Variants in HERC3 observed in about 807,000 individuals in gnomAD.
The protein encoded by HERC3 is HECT and RLD domain containing E3 ubiquitin protein ligase 3, also known as probable E3 ubiquitin-protein ligase HERC3.
Under a neutral mutation model 129.9 loss-of-function variants are expected in HERC3, and 58 were observed. The observed-to-expected ratio is 0.45, with a 90% CI of 0.36 to 0.56. HERC3 has a LOEUF of 0.56. Among genes scored for constraint, HERC3 ranks in the 20% least tolerant of loss-of-function variants. HERC3 has a pLI of 0.00. For synonymous variants in HERC3, 430 were observed against 451.0 expected (o/e 0.95, Z 0.59); for missense variants, 835 against 1,244.2 (o/e 0.67, Z 4.95).
chr4:88,573,573 A>G, the HERC3 span, among the ~76,000 whole-genome samples: 1 of 152,198 alleles, frequency 6.6e-6, no homozygotes, highest in Non-Finnish European at 1.5e-5. Context: ...ATTGGTTTGA[A>G]ACATAATGCT....
At chr4:88,581,651 C>G in the HERC3 span, among the ~76,000 whole-genome samples, 1 of 152,022 alleles carries the variant, frequency 6.6e-6, no homozygotes, top group African/African-American at 2.4e-5. Flanking sequence ...AGGGTCTCAG[C>G]ATGTTGCCCA....
the HERC3 span, among the ~76,000 whole-genome samples, chr4:88,583,145 A>G: frequency 4.6e-5 from 7 of 152,294 alleles, no homozygotes; most frequent in African/African-American, 1.4e-4. Context: ...TAATATTTCA[A>G]TAAGAAAGTA....
At chr4:88,688,852 A>G (rs915948664) in intron 23 of HERC3, among the ~76,000 whole-genome samples, 5 of 152,352 alleles carry the variant, frequency 3.3e-5, no homozygotes, top group Admixed American at 1.3e-4. Flanking sequence ...GAGGAGCTAT[A>G]TAAGTTAGAA....
chr4:88,537,344 A>G, the HERC3 span, among the ~76,000 whole-genome samples: 1 of 152,100 alleles, frequency 6.6e-6, no homozygotes, highest in African/African-American at 2.4e-5. Context: ...TGATGTTTTG[A>G]GGCATTATGG....
upstream of HERC3, among the ~76,000 whole-genome samples, chr4:88,590,776 T>G (rs1361084451): frequency 6.6e-6 from 1 of 152,192 alleles, no homozygotes; most frequent in Admixed American, 6.5e-5. Context: ...CATCTCTAAA[T>G]TGGGATTGCA....
chr4:88,588,103 A>G (rs1341083885), upstream of HERC3, among the ~76,000 whole-genome samples: 1 of 152,262 alleles, frequency 6.6e-6, no homozygotes, highest in Non-Finnish European at 1.5e-5. Context: ...TGAGTTTCTC[A>G]TAATTAAGGT....
intron 12 of HERC3, among the ~76,000 whole-genome samples, chr4:88,665,181 G>C (rs932065092): frequency 6.6e-6 from 1 of 152,214 alleles, no homozygotes. Context: ...GAGAGGGAGA[G>C]GAAGAGAGGG....
chr4:88,551,732 C>T, the HERC3 span, among the ~76,000 whole-genome samples: 1 of 152,172 alleles, frequency 6.6e-6, no homozygotes, highest in Non-Finnish European at 1.5e-5. Flanking sequence ...GTGGCAATTC[C>T]TCAGGGATCT....
In HERC3 at chr4:88,670,262, C is replaced by T. The variant is rs767274137; in HGVS notation, c.1911+10C>T. 3 of 1,526,380 alleles carry T rather than the reference C, an allele frequency of 2.0e-6. No individual in the cohort carries two copies. The South Asian group carries it at 3.4e-5, about 17-fold the overall frequency. The allele number at this position is 1,526,380 out of a possible 1,614,324, so 94.6% of individuals were successfully genotyped here. ...GCATCAAGCAGGGATGGTAAGAATTCATAAAGCATATTTTAAAGCTTTAGT... is the reference window on the plus strand; with the variant it reads ...GCATCAAGCAGGGATGGTAAGAATTTATAAAGCATATTTTAAAGCTTTAGT... On this transcript the variant is annotated intron_variant, in intron 16 of 25. Transcript: ENST00000402738.
At chr4:88,543,063 A>G in the HERC3 span, among the ~76,000 whole-genome samples, 2 of 152,350 alleles carry the variant, frequency 1.3e-5, no homozygotes, top group African/African-American at 4.8e-5. Context: ...CTCCTATTCA[A>G]CATAGTGTTG....
intron 21 of HERC3, among the ~76,000 whole-genome samples, chr4:88,683,391 G>C (rs1375242492): frequency 6.6e-6 from 1 of 152,150 alleles, no homozygotes; most frequent in African/African-American, 2.4e-5. Flanking sequence ...AGGACACACA[G>C]AGTGGAAGAA....
At chr4:88,531,883 G>A in the HERC3 span, among the ~76,000 whole-genome samples, 24 of 152,302 alleles carry the variant, frequency 1.6e-4, no homozygotes, top group South Asian at 2.5e-3. Context: ...GGCAGCCACA[G>A]CAGTGGTTGC....
the HERC3 span, among the ~76,000 whole-genome samples, chr4:88,539,361 G>A: frequency 6.6e-6 from 1 of 152,138 alleles, no homozygotes; most frequent in African/African-American, 2.4e-5. Context: ...TGCAGCCTCG[G>A]GGGGAGAGGG....
intron 25 of HERC3, 126 bp from the exon 26 acceptor site, chr4:88,706,626 A>G (rs1735804522): frequency 1.4e-6 from 1 of 705,684 alleles, no homozygotes; most frequent in South Asian, 1.8e-5. Context: ...ATATTGGCAC[A>G]TAAATGTAAT....
the HERC3 span, among the ~76,000 whole-genome samples, chr4:88,525,722 A>G: frequency 1.3e-5 from 2 of 152,244 alleles, no homozygotes; most frequent in Admixed American, 6.5e-5. Flanking sequence ...ATGTATGACT[A>G]TCACCATGTG....
intron 9 of HERC3, chr4:88,656,529 C>T (rs1004773201): frequency 6.4e-6 from 1 of 156,722 alleles, no homozygotes; most frequent in Non-Finnish European, 1.4e-5. Context: ...GCTCACTTAT[C>T]ACCAAGGGGA....
chr4:88,642,739 C>T (rs1230150551), intron 3 of HERC3, among the ~76,000 whole-genome samples: 1 of 152,182 alleles, frequency 6.6e-6, no homozygotes, highest in Non-Finnish European at 1.5e-5. Context: ...CTTATCACTT[C>T]TCAAAAGGCT....
chr4:88,527,918 C>G, the HERC3 span: 5 of 270,806 alleles, frequency 1.8e-5, no homozygotes, highest in East Asian at 5.2e-4. Context: ...ATGTGGGACT[C>G]CATCCAGTCA....
intron 3 of HERC3, among the ~76,000 whole-genome samples, chr4:88,609,594 C>T (rs780872619): frequency 3.9e-5 from 6 of 152,098 alleles, no homozygotes; most frequent in Admixed American, 6.6e-5. Context: ...AGTCACAGTT[C>T]CCTTTCCTGT....
Sources: gnomAD v4.1 joint callset for allele counts (sites outside exome capture counted in the v4.1 genomes callset) on GRCh38, gnomAD v4.1.1 for gene constraint, MANE v1.5 for transcripts, NCBI Gene and HGNC (gene_info 2026-07-23, HGNC 2026-07-21) for gene names.